CAPRIN1: variants seen among roughly 807,000 people sequenced by gnomAD.
CAPRIN1 encodes the protein cell cycle associated protein 1.
Under a neutral mutation model 100.9 loss-of-function variants are expected in CAPRIN1, and 29 were observed. The ratio of observed to expected loss-of-function variants is 0.29; its 90% CI spans 0.21 to 0.39. The LOEUF is 0.39. Among genes scored for constraint, CAPRIN1 ranks in the 10% least tolerant of loss-of-function variants. The pLI, the probability that CAPRIN1 is intolerant of heterozygous loss-of-function variation, is 1.00. For synonymous variants in CAPRIN1, 338 were observed against 307.5 expected, an observed-to-expected ratio of 1.10 and a Z score of -1.04; for missense variants, 795 against 876.7, an observed-to-expected ratio of 0.91 and a Z score of 1.18.
At chr11:34,081,498 CTTT>C (rs576042440) in intron 7 of CAPRIN1, among the ~76,000 whole-genome samples, 1 of 143,776 alleles carries the variant, frequency 7.0e-6, no homozygotes. Context: ...TGTGCCCAGC[CTTT>C]TTTTTTTTTT....
chr11:34,078,699 C>A (rs1440963111), intron 6 of CAPRIN1, among the ~76,000 whole-genome samples: 5 of 152,112 alleles, frequency 3.3e-5, no homozygotes, highest in African/African-American at 1.2e-4. Flanking sequence ...GTTTTTTATT[C>A]CCTGTATTTT....
Position 34,076,571 on chromosome 11 carries a change from A to C in CAPRIN1, c.617A>C (p.Gln206Pro), listed in dbSNP as rs761213871. Residue 206 changes from glutamine (Q) to proline (P), a missense_variant, in exon 6 of 19, where the codon CAG (glutamine) becomes CCG (proline). Gln to Pro is a moderately conservative substitution (Grantham distance 76, BLOSUM62 -1). This residue lies in a region of CAPRIN1 where 648 missense variants were observed against 697.9 expected (regional missense o/e 0.93). Transcript: ENST00000341394. ...ERDMSLRLNE[Q>P]YEHASIHLWD... ...TTTACTATTAAAAGGTTGAATGAAC[A>C]GTATGAACATGCCTCCATTCACCTG... The C allele has an allele frequency of 6.2e-7, 1 of 1,613,760 alleles. No individual in the cohort carries two copies. Among genetic ancestry groups the C allele is most frequent in the Non-Finnish European group, 8.5e-7 (1 of 1,179,660 alleles).
chr11:34,098,933 T>C lies in CAPRIN1; in HGVS notation c.2066-370T>C, dbSNP rs1385484683. On this transcript the variant is annotated intron_variant, in intron 18 of 18. Transcript: ENST00000341394. ...TACTACTGAAATGTAAGCTAGAGTG[T>C]ACACTAGAATGTAAGCTCCATGAGA... 6 of 1,079,174 alleles carry C rather than the reference T, an allele frequency of 5.6e-6. No homozygotes were observed. In the African/African-American group the frequency reaches 9.9e-5, roughly 18 times the overall value. 66.8% of individuals were successfully genotyped at this position (1,079,174 alleles called of 1,614,324 possible).
intron 15 of CAPRIN1, among the ~76,000 whole-genome samples, chr11:34,092,923 A>G (rs1392120002): frequency 6.6e-6 from 1 of 151,594 alleles, no homozygotes; most frequent in Non-Finnish European, 1.5e-5. Context: ...TGCCAGCATA[A>G]CTCACTGCAG....
At chr11:34,059,943 C>T (rs138295617) in intron 2 of CAPRIN1, among the ~76,000 whole-genome samples, 2,313 of 136,894 alleles carry the variant, frequency 0.017, 68 homozygotes, top group African/African-American at 0.061. Flanking sequence ...CGCCTGTAAT[C>T]TCAGCACTTT....
intron 7 of CAPRIN1, among the ~76,000 whole-genome samples, chr11:34,082,409 G>A (rs1424279177): frequency 6.6e-6 from 1 of 151,970 alleles, no homozygotes; most frequent in Non-Finnish European, 1.5e-5. Flanking sequence ...GGTTGGTCTC[G>A]AACTCCTGAC....
chr11:34,087,664 G>C (rs568281473), intron 11 of CAPRIN1, among the ~76,000 whole-genome samples: 1 of 152,322 alleles, frequency 6.6e-6, no homozygotes, highest in Non-Finnish European at 1.5e-5. Flanking sequence ...TTAGAAAACA[G>C]ATCAAAGGTG....
At chr11:34,097,889 A>T in intron 18 of CAPRIN1, 128 bp downstream of exon 18, 2 of 1,472,972 alleles carry the variant, frequency 1.4e-6, no homozygotes, top group South Asian at 1.4e-5. Context: ...GGATTAAATG[A>T]AATGCTCTGT....
chr11:34,076,250 A>G lies in CAPRIN1; in HGVS notation c.381A>G (p.Ile127Met), dbSNP rs762114750. 4 of 1,613,474 alleles carry G rather than the reference A, an allele frequency of 2.5e-6. No individual in the cohort carries two copies. The highest frequency in any genetic ancestry group is 3.4e-6 in the Non-Finnish European group (4 of 1,179,630). Residue 127 changes from isoleucine to methionine, a missense_variant, in exon 5 of 19, where the codon ATA (isoleucine) becomes ATG (methionine). Physicochemically the swap from Ile to Met is conservative, Grantham distance 10. Around this residue, in one of 3 missense-constraint regions of CAPRIN1, gnomAD observed 38 missense variants for 92.3 expected, o/e 0.41. Coordinates refer to ENST00000341394, the MANE Select transcript of CAPRIN1 (RefSeq NM_005898.5). ...MALSQDIQKT[I>M]KKTARREQLM... ...TTGTTTTGCAGATTCAGAAAACAAT[A>G]AAGAAGACAGCACGTCGGGAGCAGC...
At chr11:34,080,514 A>G (rs1326225059) in intron 7 of CAPRIN1, among the ~76,000 whole-genome samples, 1 of 152,220 alleles carries the variant, frequency 6.6e-6, no homozygotes, top group Non-Finnish European at 1.5e-5. Context: ...TAGCTCCATA[A>G]TCTTGAACTA....
chr11:34,053,745 G>A (rs961197028), intron 2 of CAPRIN1: 1 of 152,154 alleles, frequency 6.6e-6, no homozygotes, highest in Admixed American at 6.5e-5. Flanking sequence ...TTGTTTAGAG[G>A]GGCGTGTGTA....
At chr11:34,072,872 C>T (rs977933804) in intron 4 of CAPRIN1, among the ~76,000 whole-genome samples, 1 of 152,136 alleles carries the variant, frequency 6.6e-6, no homozygotes, top group Non-Finnish European at 1.5e-5. Flanking sequence ...TTTTACTGTA[C>T]CTATTCTGTG....
intron 5 of CAPRIN1, 35 bp from the exon 6 acceptor site, chr11:34,076,525 T>C: frequency 2.5e-6 from 4 of 1,607,048 alleles, no homozygotes; most frequent in African/African-American, 2.7e-5. Flanking sequence ...AGTTGACAAC[T>C]GAAAGGTTAT....
At chr11:34,059,146 G>A (rs899040562) in intron 2 of CAPRIN1, among the ~76,000 whole-genome samples, 3 of 152,186 alleles carry the variant, frequency 2.0e-5, no homozygotes, top group African/African-American at 7.2e-5. Context: ...AATTTACTGA[G>A]TAGAGTTCAA....
In CAPRIN1 at chr11:34,086,138, G is replaced by A. The variant is rs775767681; in HGVS notation, c.1041G>A (p.Val347=). 1 of 1,614,154 alleles carries A rather than the reference G, an allele frequency of 6.2e-7. No individual in the cohort carries two copies. Among genetic ancestry groups the A allele is most frequent in the South Asian group, 1.1e-5 (1 of 91,086 alleles). The part of the protein sequence containing the change: ...SVPEPHSLTP[V]AQADPLVRRQ... ...CAGAGCCCCACTCTTTGACTCCAGT[G>A]GCTCAGGCAGATCCCCTTGTGAGAA... The change falls in exon 10 of 19, where the codon GTG becomes GTA. Residue 347 remains valine, a synonymous_variant. Transcript: ENST00000341394.
chr11:34,083,923 CCTGGG>C (rs1380193632), intron 9 of CAPRIN1, among the ~76,000 whole-genome samples: 2 of 151,832 alleles, frequency 1.3e-5, no homozygotes, highest in Non-Finnish European at 2.9e-5. Context: ...CAAACAAAAA[CCTGGG>C]CATGGTGGTG....
chr11:34,052,698 C>A lies in CAPRIN1; in HGVS notation c.216+62C>A, dbSNP rs1050334006. 1.9e-5 allele frequency: 28 copies of A among 1,511,738 alleles called. No individual in the cohort carries two copies. The South Asian group carries it at 3.1e-4, about 17-fold the overall frequency. The allele number at this position is 1,511,738 out of a possible 1,614,324, so 93.6% of individuals were successfully genotyped here. Reference sequence around the variant, plus strand: ...GGCCGGGCTCTGCGGCCCCTCCGACCCTGGTCGCTGGAGCCTTCGCTTCTT... The same window carrying A: ...GGCCGGGCTCTGCGGCCCCTCCGACACTGGTCGCTGGAGCCTTCGCTTCTT... On this transcript the variant is annotated intron_variant, in intron 2 of 18. Coordinates refer to ENST00000341394, the MANE Select transcript of CAPRIN1 (RefSeq NM_005898.5).
intron 2 of CAPRIN1, among the ~76,000 whole-genome samples, chr11:34,060,176 A>G (rs1350847699): frequency 1.4e-5 from 2 of 146,740 alleles, no homozygotes; most frequent in African/African-American, 2.6e-5. Flanking sequence ...AGCCTGGGCA[A>G]CAGAGTGATA....
rs371768341 is a variant in CAPRIN1, at chr11:34,062,974, TA to T, written c.217-8751del. On this transcript the variant is annotated intron_variant, in intron 2 of 18. Transcript: ENST00000341394. ...TTTGGAGTTTATCATCTCTCTTTGCTATTTATTTTTAATTGCATAATTAAAA... is the reference window on the plus strand; with the variant it reads ...TTTGGAGTTTATCATCTCTCTTTGCTTTTATTTTTAATTGCATAATTAAAA... The T allele has an allele frequency of 9.2e-4, 140 of 152,344 alleles. 1 individual carries two copies. The highest frequency in any genetic ancestry group is 3.4e-3 in the Middle Eastern group (1 of 294). The allele number at this position is 152,344 out of a possible 1,614,324, so 9.4% of individuals were successfully genotyped here.
Sources: allele counts gnomAD v4.1 joint callset (sites outside exome capture counted in the v4.1 genomes callset), GRCh38; gene constraint gnomAD v4.1.1; regional missense constraint gnomAD v4.1.1; transcripts MANE v1.5; gene names NCBI Gene and HGNC (gene_info 2026-07-23, HGNC 2026-07-21).